LRBA: variants seen among roughly 807,000 people sequenced by gnomAD.
LRBA encodes lipopolysaccharide-responsive and beige-like anchor protein.
A neutral mutation model predicts 330.0 loss-of-function variants in LRBA; 176 were observed. The ratio of observed to expected loss-of-function variants is 0.53; its 90% CI spans 0.47 to 0.60. The LOEUF (loss-of-function observed/expected upper bound fraction) is 0.60. Among genes scored for constraint, LRBA ranks in the 20% least tolerant of loss-of-function variants. The pLI is 0.00. For synonymous variants in LRBA, 1,230 were observed against 1,193.0 expected (o/e 1.03, Z -0.64); for missense variants, 3,259 against 3,444.8 (o/e 0.95, Z 1.35).
At chr4:150,635,777 CA>C (rs1372842543) in intron 37 of LRBA, among the ~76,000 whole-genome samples, 5 of 152,142 alleles carry the variant, frequency 3.3e-5, no homozygotes, top group Non-Finnish European at 5.9e-5. Flanking sequence ...AAGCACCACT[CA>C]AATTTTACTA....
chr4:150,914,760 C>T (rs531115587), intron 8 of LRBA, among the ~76,000 whole-genome samples: 3 of 152,196 alleles, frequency 2.0e-5, no homozygotes, highest in South Asian at 4.1e-4. Context: ...TAAGAAAAAA[C>T]AGGTTACAAA....
chr4:150,735,939 G>T (rs1731122624), intron 35 of LRBA, among the ~76,000 whole-genome samples: 1 of 152,152 alleles, frequency 6.6e-6, no homozygotes, highest in Non-Finnish European at 1.5e-5. Flanking sequence ...GACCTTCAGA[G>T]ATTTGGTGAT....
At chr4:150,336,101 G>A (rs140203552) in intron 48 of LRBA, among the ~76,000 whole-genome samples, 124 of 152,254 alleles carry the variant, frequency 8.1e-4, no homozygotes, top group African/African-American at 2.9e-3. Context: ...TACATGTGAA[G>A]GTGTGTTACA....
intron 37 of LRBA, among the ~76,000 whole-genome samples, chr4:150,655,153 G>C (rs1561476678): frequency 6.6e-6 from 1 of 152,044 alleles, no homozygotes; most frequent in Non-Finnish European, 1.5e-5. Flanking sequence ...AGTTAAACTA[G>C]TAAAGTCATT....
chr4:150,982,956 T>C (rs375507504), intron 2 of LRBA, among the ~76,000 whole-genome samples: 6 of 152,274 alleles, frequency 3.9e-5, no homozygotes, highest in East Asian at 1.9e-4. Context: ...CTAGGAATTA[T>C]CCAGTCTGAT....
chr4:150,597,003 T>C (rs1561403990), intron 38 of LRBA: 3 of 705,214 alleles, frequency 4.3e-6, no homozygotes, highest in African/African-American at 1.9e-5. Flanking sequence ...AACATATATT[T>C]CAAACGCAAG....
rs184757930 is a variant in LRBA at position 150,786,901 on chromosome 4, C to T, written c.5580+11180G>A. 3.0e-4 allele frequency among the ~76,000 whole-genome samples: 45 copies of T among 152,234 alleles called. 1 individual carries two copies. In the East Asian group the frequency reaches 5.0e-3, roughly 17 times the overall value. ...CTATTGGGCAATTACATTGGAAATA[C>T]CGAATAAATGAAGAGGATTTTGAGT... On this transcript the variant is annotated intron_variant, in intron 34 of 56. Coordinates refer to ENST00000651943, the MANE Select transcript of LRBA (RefSeq NM_001364905.1).
intron 35 of LRBA, among the ~76,000 whole-genome samples, chr4:150,742,476 A>G (rs531299916): frequency 2.1e-4 from 32 of 152,230 alleles, no homozygotes; most frequent in African/African-American, 6.5e-4. Flanking sequence ...TTATATAACA[A>G]AAGTGGCTAA....
chr4:150,906,497 TA>T, intron 11 of LRBA, 92 bp from the exon 12 acceptor site: 3 of 644,800 alleles, frequency 4.7e-6, no homozygotes, highest in South Asian at 4.7e-5. Context: ...TTCACCTTAA[TA>T]AAAAGTTCTC....
At chr4:150,404,974 C>A (rs1745987285) in intron 47 of LRBA, among the ~76,000 whole-genome samples, 2 of 152,134 alleles carry the variant, frequency 1.3e-5, no homozygotes, top group African/African-American at 2.4e-5. Context: ...AGAACACAGT[C>A]AAACTCAAAG....
intron 2 of LRBA, among the ~76,000 whole-genome samples, chr4:150,959,557 T>C (rs1737910206): frequency 6.7e-6 from 1 of 149,266 alleles, no homozygotes; most frequent in South Asian, 2.1e-4. Flanking sequence ...AAGTTTGAGG[T>C]TCAATAAAGT....
In LRBA at chr4:150,896,405, T is replaced by TC. The variant is rs763693354; in HGVS notation, c.2055dup (p.Thr686AspfsTer4). The TC allele has an allele frequency of 6.5e-7, 1 of 1,526,770 alleles. No homozygotes were observed. The highest frequency in any genetic ancestry group is 9.0e-7 in the Non-Finnish European group (1 of 1,109,366). The allele number at this position is 1,526,770 out of a possible 1,614,324, so 94.6% of individuals were successfully genotyped here. A position where few individuals can be genotyped will look rare whatever the true frequency, so the allele number is the denominator to read the frequency against. On this transcript the variant is annotated frameshift_variant, in exon 16 of 57. Transcript: ENST00000651943. LOFTEE classifies it high-confidence loss of function. ...AATTCATATATTACCTCATGCATAG[T>TC]CAGTAGGTAATTAAGAATGGCCTGT... is the stretch of plus-strand genomic sequence containing the variant.
intron 28 of LRBA, among the ~76,000 whole-genome samples, chr4:150,838,011 A>G (rs1202930092): frequency 2.7e-4 from 41 of 151,964 alleles, no homozygotes; most frequent in African/African-American, 7.3e-5. Flanking sequence ...CTCAGCATTT[A>G]CTTGTCTGTA....
At chr4:150,568,027 CG>C (rs2152279654) in intron 40 of LRBA, among the ~76,000 whole-genome samples, 1 of 152,156 alleles carries the variant, frequency 6.6e-6, no homozygotes, top group South Asian at 2.1e-4. Flanking sequence ...AGCACTTGCC[CG>C]GGCACTGTGG....
At chr4:150,844,993 G>GA (rs1404498107) in intron 26 of LRBA, among the ~76,000 whole-genome samples, 12 of 152,150 alleles carry the variant, frequency 7.9e-5, no homozygotes, top group Admixed American at 7.9e-4. Context: ...AAGATTTAGG[G>GA]AGGCAGTATG....
chr4:150,777,066 TTTG>T lies in LRBA; in HGVS notation c.5581-15222_5581-15220del, dbSNP rs70941442. On this transcript the variant is annotated intron_variant, in intron 34 of 56. Transcript: ENST00000651943. ...TTTTAAAGTCAGTTTTTTGAGGGGT[TTTG>T]TTGTTGTTGTTGTTGTTGTTGTTGT... Among the ~76,000 whole-genome samples the T allele has an allele frequency of 5.4e-3, 722 of 134,344 alleles. 10 individuals carry two copies. The highest frequency in any genetic ancestry group is 0.033 in the East Asian group (163 of 4,986). The allele number at this position is 134,344 out of a possible 152,430, so 88.1% of individuals were successfully genotyped here.
At chr4:150,369,729 A>G (rs1739987178) in intron 47 of LRBA, among the ~76,000 whole-genome samples, 1 of 152,134 alleles carries the variant, frequency 6.6e-6, no homozygotes, top group Non-Finnish European at 1.5e-5. Context: ...AATATAAATG[A>G]AATATTTGTA....
intron 42 of LRBA, among the ~76,000 whole-genome samples, chr4:150,475,195 T>G (rs965370800): frequency 4.6e-5 from 7 of 152,298 alleles, no homozygotes; most frequent in Admixed American, 4.6e-4. Flanking sequence ...TTTAAAAAAA[T>G]GTGTCTGTGT....
At chr4:150,389,506 A>G (rs1017697743) in intron 47 of LRBA, among the ~76,000 whole-genome samples, 2 of 151,970 alleles carry the variant, frequency 1.3e-5, no homozygotes, top group African/African-American at 4.8e-5. Flanking sequence ...CAGGAGTTCG[A>G]GGCCAGCCTG....
Sources: allele counts gnomAD v4.1 joint callset (sites outside exome capture counted in the v4.1 genomes callset), GRCh38; gene constraint gnomAD v4.1.1; transcripts MANE v1.5; gene names NCBI Gene and HGNC (gene_info 2026-07-23, HGNC 2026-07-21).